Variants in CLIC6 observed in about 807,000 individuals in gnomAD.
The protein encoded by CLIC6 is chloride intracellular channel protein 6.
Under a neutral mutation model 49.2 loss-of-function variants are expected in CLIC6, and 39 were observed. The observed-to-expected ratio is 0.79, with a 90% CI of 0.61 to 1.04. The LOEUF is 1.04. CLIC6 is among the 50% of genes least tolerant of loss of function. CLIC6 has a pLI of 0.00. For missense variants in CLIC6, 988 were observed against 993.1 expected (o/e 0.99, Z 0.07); for synonymous variants, 446 against 433.4 (o/e 1.03, Z -0.36).
At chr21:34,697,422 TC>T (rs1412494742) in intron 1 of CLIC6, among the ~76,000 whole-genome samples, 2 of 151,230 alleles carry the variant, frequency 1.3e-5, no homozygotes, top group East Asian at 3.9e-4. Flanking sequence ...TCCCCTCCCC[TC>T]CCCTTCCCTT....
rs770995089 is a variant in CLIC6 at position 34,707,254 on chromosome 21, A to G, written c.1375-26A>G. 5 of 1,545,966 alleles carry G rather than the reference A, an allele frequency of 3.2e-6. No homozygotes were observed. The South Asian group carries it at 4.5e-5, about 14-fold the overall frequency. On this transcript the variant is annotated intron_variant, in intron 1 of 5. Coordinates refer to ENST00000349499, the MANE Select transcript of CLIC6 (RefSeq NM_053277.3). ...ACTTATAATTGTGAGACTGGCTCAG[A>G]TAGAAATCTCCTTCTCCACTTGTAG... is the stretch of plus-strand genomic sequence containing the variant.
chr21:34,680,848 T>C (rs1330751110), intron 1 of CLIC6, among the ~76,000 whole-genome samples: 2 of 152,262 alleles, frequency 1.3e-5, no homozygotes, highest in African/African-American at 4.8e-5. Flanking sequence ...GTAGGAAGTT[T>C]TGAACTTTCC....
At position 34,709,872 on chromosome 21, in the gene CLIC6, C is replaced by T. The variant is rs370384781; in HGVS notation, c.1899+334C>T. On this transcript the variant is annotated intron_variant, in intron 5 of 5. Coordinates refer to ENST00000349499, the MANE Select transcript of CLIC6 (RefSeq NM_053277.3). The stretch of plus-strand genomic sequence containing the variant: ...GCAATTGAGAATTAGAGATGAGGCT[C>T]GTAGAATCTGGGGCTATTCAAATGT... Among the ~76,000 whole-genome samples, 44 of 152,290 alleles carry T rather than the reference C, an allele frequency of 2.9e-4. No individual in the cohort carries two copies. In the South Asian group the frequency reaches 8.7e-3, roughly 30 times the overall value.
chr21:34,712,474 G>T (rs769628685), intron 5 of CLIC6, among the ~76,000 whole-genome samples: 1 of 152,154 alleles, frequency 6.6e-6, no homozygotes, highest in South Asian at 2.1e-4. Context: ...AAAAGGTAAA[G>T]AACACAGTCC....
At position 34,716,725 on chromosome 21, in the gene CLIC6, A is replaced by G. The variant is rs2056087368; in HGVS notation, c.*243A>G. On this transcript the variant is annotated 3_prime_UTR_variant, in exon 6 of 6. Transcript: ENST00000349499. Reference sequence around the variant, plus strand: ...ACACCTATCTTGATATTTTAAAGCAATATCAGAGGGTGTAAAGAAGGACAT... The same window carrying G: ...ACACCTATCTTGATATTTTAAAGCAGTATCAGAGGGTGTAAAGAAGGACAT... 2 of 317,368 alleles carry G rather than the reference A, an allele frequency of 6.3e-6. No homozygotes were observed. Among genetic ancestry groups the G allele is most frequent in the Non-Finnish European group, 1.2e-5 (2 of 173,666 alleles). The allele number at this position is 317,368 out of a possible 1,614,324, so 19.7% of individuals were successfully genotyped here.
Position 34,670,295 on chromosome 21 carries a change from A to T in CLIC6, c.907A>T (p.Ser303Cys). ...TGAGCCGCAGCAATCGGGGGACGGC[A>T]GCCTCTCGCCCCAGGCCGAGGCAAT... ...SGEPQQSGDGSLSPQAEAIEV... is the reference protein window; with the variant it reads ...SGEPQQSGDGCLSPQAEAIEV... Residue 303 changes from serine to cysteine, a missense_variant, in exon 1 of 6, where the codon AGC becomes TGC. By Grantham distance (112) the Ser-to-Cys change is moderately radical. Transcript: ENST00000349499. 1 of 1,443,276 alleles carries T rather than the reference A, an allele frequency of 6.9e-7. No homozygotes were observed. The highest frequency in any genetic ancestry group is 1.5e-5 in the South Asian group (1 of 68,650). 89.4% of individuals were successfully genotyped at this position (1,443,276 alleles called of 1,614,324 possible).
intron 1 of CLIC6, among the ~76,000 whole-genome samples, chr21:34,704,798 A>C (rs2056003232): frequency 6.6e-6 from 1 of 152,236 alleles, no homozygotes; most frequent in Non-Finnish European, 1.5e-5. Flanking sequence ...AATAGCAAGA[A>C]AAACAATTTC....
chr21:34,688,929 T>C (rs1033760795), intron 1 of CLIC6, among the ~76,000 whole-genome samples: 36 of 152,100 alleles, frequency 2.4e-4, no homozygotes, highest in African/African-American at 6.5e-4. Context: ...CTTCTAGAAA[T>C]TGTGAAATAG....
At chr21:34,702,205 AGG>A (rs1444816602) in intron 1 of CLIC6, among the ~76,000 whole-genome samples, 7 of 152,272 alleles carry the variant, frequency 4.6e-5, no homozygotes, top group Admixed American at 4.6e-4. Flanking sequence ...CCTCATAGAA[AGG>A]GGCAGAGAGA....
chr21:34,689,609 T>C (rs1989951145), intron 1 of CLIC6, among the ~76,000 whole-genome samples: 1 of 151,900 alleles, frequency 6.6e-6, no homozygotes, highest in Non-Finnish European at 1.5e-5. Flanking sequence ...TTTTTTTTTT[T>C]CCTGAGAATC....
rs1326794545 is a variant in CLIC6 at position 34,700,599 on chromosome 21, T to C, written c.1375-6681T>C. Among the ~76,000 whole-genome samples, 2 of 140,838 alleles carry C rather than the reference T, an allele frequency of 1.4e-5. 1 individual carries two copies. The highest frequency in any genetic ancestry group is 3.1e-5 in the Non-Finnish European group (2 of 64,854). The allele number at this position is 140,838 out of a possible 152,430, so 92.4% of individuals were successfully genotyped here. On this transcript the variant is annotated intron_variant, in intron 1 of 5. Coordinates refer to ENST00000349499, the MANE Select transcript of CLIC6 (RefSeq NM_053277.3). ...TGTATCATTATAACCCTTCTTCACGTGCTTCCGCATTCCCATGGTGTTGAA... is the reference window on the plus strand; with the variant it reads ...TGTATCATTATAACCCTTCTTCACGCGCTTCCGCATTCCCATGGTGTTGAA...
intron 1 of CLIC6, among the ~76,000 whole-genome samples, chr21:34,704,164 C>T (rs1373273138): frequency 6.6e-6 from 1 of 152,168 alleles, no homozygotes. Context: ...CAGTTATTCC[C>T]TCGGAATATA....
chr21:34,716,307 C>G lies in CLIC6; in HGVS notation c.1900-14C>G. 4 of 1,607,820 alleles carry G rather than the reference C, an allele frequency of 2.5e-6. No individual in the cohort carries two copies. ...AAGTTTTCCCTTTACTGATCATTTTCTCTTCATTTTCAGATTGTGGCCAAG... is the reference window on the plus strand; with the variant it reads ...AAGTTTTCCCTTTACTGATCATTTTGTCTTCATTTTCAGATTGTGGCCAAG... On this transcript the variant is annotated splice_polypyrimidine_tract_variant and intron_variant, in intron 5 of 5. Coordinates refer to ENST00000349499, the MANE Select transcript of CLIC6 (RefSeq NM_053277.3).
chr21:34,672,069 G>A (rs1041536448), intron 1 of CLIC6, among the ~76,000 whole-genome samples: 2 of 152,170 alleles, frequency 1.3e-5, no homozygotes, highest in African/African-American at 4.8e-5. Context: ...ACATGATTCT[G>A]GCACACGGCC....
At chr21:34,704,602 G>A (rs1265731321) in intron 1 of CLIC6, among the ~76,000 whole-genome samples, 1 of 152,210 alleles carries the variant, frequency 6.6e-6, no homozygotes. Context: ...AGCTGTGGCC[G>A]AACAGATATT....
At chr21:34,712,161 A>AT (rs1261254321) in intron 5 of CLIC6, among the ~76,000 whole-genome samples, 3 of 152,240 alleles carry the variant, frequency 2.0e-5, no homozygotes, top group Non-Finnish European at 4.4e-5. Flanking sequence ...CTGCAAGGCC[A>AT]TTTAGCACTC....
At position 34,670,548 on chromosome 21, in the gene CLIC6, CG is replaced by C; in HGVS notation, c.1166del (p.Gly389AlafsTer44). 2 of 1,498,358 alleles carry C rather than the reference CG, an allele frequency of 1.3e-6. No individual in the cohort carries two copies. The highest frequency in any genetic ancestry group is 1.8e-6 in the Non-Finnish European group (2 of 1,124,516). The allele number at this position is 1,498,358 out of a possible 1,614,324, so 92.8% of individuals were successfully genotyped here. On this transcript the variant is annotated frameshift_variant, in exon 1 of 6. Transcript: ENST00000349499. LOFTEE classifies it high-confidence loss of function. ...SPEGPREEEA[A>X]GGEEESPDSS... ...GAGGGGCCAAGGGAGGAGGAAGCAG[CG>C]GGGGGCGAAGAGGAATCCCCCGACA...
intron 1 of CLIC6, among the ~76,000 whole-genome samples, chr21:34,696,831 G>C (rs1411110801): frequency 1.3e-5 from 2 of 152,014 alleles, no homozygotes; most frequent in Non-Finnish European, 2.9e-5. Context: ...GTATTATTTT[G>C]AGAAATGCAT....
intron 1 of CLIC6, among the ~76,000 whole-genome samples, chr21:34,678,524 G>A (rs1301509574): frequency 6.6e-6 from 1 of 152,050 alleles, no homozygotes; most frequent in Non-Finnish European, 1.5e-5. Flanking sequence ...ATACAAAATT[G>A]GAGTTCGATT....
Sources: allele counts gnomAD v4.1 joint callset (sites outside exome capture counted in the v4.1 genomes callset), GRCh38; gene constraint gnomAD v4.1.1; transcripts MANE v1.5; gene names NCBI Gene and HGNC (gene_info 2026-07-23, HGNC 2026-07-21).